The following PPP1R16B variants were observed in gnomAD, a reference collection of about 807,000 sequenced individuals.
The protein encoded by PPP1R16B is protein phosphatase 1 regulatory subunit 16B.
PPP1R16B carries 14 observed loss-of-function variants against 61.7 expected under a neutral mutation model. The ratio of observed to expected loss-of-function variants is 0.23; its 90% CI spans 0.15 to 0.35. The LOEUF is 0.35. Ranked by LOEUF, PPP1R16B falls within the 10% of genes least tolerant of loss-of-function variation. PPP1R16B has a pLI of 1.00. For synonymous variants in PPP1R16B, 266 were observed against 305.3 expected (o/e 0.87, Z 1.34); for missense variants, 547 against 752.5 (o/e 0.73, Z 3.19).
chr20:38,915,421 G>A (rs755471863), intron 10 of PPP1R16B, among the ~76,000 whole-genome samples: 9 of 152,156 alleles, frequency 5.9e-5, no homozygotes, highest in Non-Finnish European at 1.0e-4. Context: ...GTTTTCATAA[G>A]TCTTGCTTTT....
In PPP1R16B at chr20:38,907,135, T is replaced by C; in HGVS notation, c.898+81T>C. On this transcript the variant is annotated intron_variant, in intron 8 of 10. Transcript: ENST00000299824. The surrounding 1 kb of genome is among the most constrained non-coding windows in gnomAD (Gnocchi z 4.5). ...GGGTAGAGGGAGAAATAGATAAATA[T>C]ATGGTTGTATAGATTGATGGATTGG... 8.9e-7 allele frequency: 1 copy of C among 1,119,884 alleles called. No individual in the cohort carries two copies. Among genetic ancestry groups the C allele is most frequent in the Non-Finnish European group, 1.4e-6 (1 of 736,648 alleles). 69.4% of individuals were successfully genotyped at this position (1,119,884 alleles called of 1,614,324 possible). A position where few individuals can be genotyped will look rare whatever the true frequency, so the allele number is the denominator to read the frequency against.
At chr20:38,843,767 CA>C (rs200109402) in intron 2 of PPP1R16B, among the ~76,000 whole-genome samples, 321 of 144,768 alleles carry the variant, frequency 2.2e-3, no homozygotes, top group Admixed American at 4.5e-3. Context: ...TTTTTCAAAA[CA>C]AAAAAAAAAG....
intron 1 of PPP1R16B, among the ~76,000 whole-genome samples, chr20:38,818,129 T>C (rs2084750945): frequency 6.6e-6 from 1 of 152,272 alleles, no homozygotes; most frequent in African/African-American, 2.4e-5. Context: ...TTGTAGCAGA[T>C]ACATCTTGGT....
intron 3 of PPP1R16B, among the ~76,000 whole-genome samples, chr20:38,893,383 C>G (rs1464936713): frequency 6.6e-6 from 1 of 152,096 alleles, no homozygotes; most frequent in Non-Finnish European, 1.5e-5. Flanking sequence ...AGGGAGCCCT[C>G]AGAGGTTTGT....
rs2085561360 is a variant in PPP1R16B, at chr20:38,918,435, G to A, written c.1473G>A (p.Lys491=). ...TGAAGCGGCAGCGGGCTGCAGCCAAGCTGCTCAGCCACCCCTTCCTTAGCA... is the reference window on the plus strand; with the variant it reads ...TGAAGCGGCAGCGGGCTGCAGCCAAACTGCTCAGCCACCCCTTCCTTAGCA... The part of the protein sequence containing the change: ...LELKRQRAAA[K]LLSHPFLSTH... Residue 491 remains lysine, a synonymous_variant, in exon 11 of 11, where the codon AAG becomes AAA. Coordinates refer to ENST00000299824, the MANE Select transcript of PPP1R16B (RefSeq NM_015568.4). This position sits in a 1 kb window ranked among gnomAD's most constrained non-coding sequence, Gnocchi z 5.3. 1 of 1,614,186 alleles carries A rather than the reference G, an allele frequency of 6.2e-7. No homozygotes were observed. Among genetic ancestry groups the A allele is most frequent in the Non-Finnish European group, 8.5e-7 (1 of 1,180,046 alleles).
intron 10 of PPP1R16B, among the ~76,000 whole-genome samples, chr20:38,916,831 G>A (rs766401146): frequency 6.6e-6 from 1 of 151,952 alleles, no homozygotes; most frequent in South Asian, 2.1e-4. Context: ...CACTTTAAAC[G>A]TATTTGTCAG....
At chr20:38,865,055 G>T (rs1474946856) in intron 2 of PPP1R16B, among the ~76,000 whole-genome samples, 5 of 152,168 alleles carry the variant, frequency 3.3e-5, no homozygotes, top group Admixed American at 6.5e-5. Context: ...CCTTAGCCAG[G>T]CTGGAATTCA....
chr20:38,876,071 C>T (rs570331475), intron 2 of PPP1R16B, among the ~76,000 whole-genome samples: 2 of 147,356 alleles, frequency 1.4e-5, no homozygotes, highest in Admixed American at 7.0e-5. Flanking sequence ...CTCCCGGGTT[C>T]GGGCGATTCT....
chr20:38,842,392 A>G (rs1476592935), intron 2 of PPP1R16B, among the ~76,000 whole-genome samples: 1 of 152,186 alleles, frequency 6.6e-6, no homozygotes, highest in Non-Finnish European at 1.5e-5. Flanking sequence ...CCTTGAAACC[A>G]TTGAATGTAT....
chr20:38,861,838 G>A (rs1297350882), intron 2 of PPP1R16B, among the ~76,000 whole-genome samples: 1 of 152,082 alleles, frequency 6.6e-6, no homozygotes, highest in East Asian at 1.9e-4. Flanking sequence ...CACCGTGCCC[G>A]GCTAATTTTT....
At chr20:38,820,600 T>C (rs2084767077) in intron 1 of PPP1R16B, among the ~76,000 whole-genome samples, 1 of 152,012 alleles carries the variant, frequency 6.6e-6, no homozygotes, top group African/African-American at 2.4e-5. Flanking sequence ...TTCCTAGGAA[T>C]TCAATTGCAG....
chr20:38,852,565 C>T (rs532694123), intron 2 of PPP1R16B, among the ~76,000 whole-genome samples: 80 of 152,232 alleles, frequency 5.3e-4, no homozygotes, highest in African/African-American at 1.8e-3. Flanking sequence ...ACCACAATGA[C>T]ACTCAACCAG....
At chr20:38,840,046 G>C (rs999460000) in intron 2 of PPP1R16B, among the ~76,000 whole-genome samples, 1 of 152,248 alleles carries the variant, frequency 6.6e-6, no homozygotes, top group African/African-American at 2.4e-5. Context: ...CTCTGTGGCA[G>C]GCTCGTGGGT....
chr20:38,916,657 CATTATT>C (rs2085543798), intron 10 of PPP1R16B, among the ~76,000 whole-genome samples: 2 of 151,360 alleles, frequency 1.3e-5, no homozygotes, highest in Non-Finnish European at 2.9e-5. Context: ...AAATTTTTAT[CATTATT>C]ATTGTTTTTA....
intron 3 of PPP1R16B, among the ~76,000 whole-genome samples, chr20:38,890,983 C>G (rs1024063375): frequency 4.1e-4 from 62 of 152,194 alleles, no homozygotes; most frequent in Non-Finnish European, 1.3e-4. Context: ...CCTCAGTACC[C>G]CCACTCCATC....
rs1318187432 is a variant in PPP1R16B at position 38,918,021 on chromosome 20, A to T, written c.1195-136A>T. ...ATAGATTGGGGGTTCCCCAAAGGAA[A>T]ACCCTGGCCCCGATACCCAGGGAGA... On this transcript the variant is annotated intron_variant, in intron 10 of 10. Coordinates refer to ENST00000299824, the MANE Select transcript of PPP1R16B (RefSeq NM_015568.4). The surrounding 1 kb of genome is among the most constrained non-coding windows in gnomAD (Gnocchi z 5.3). 8.1e-7 allele frequency: 1 copy of T among 1,235,402 alleles called. No individual in the cohort carries two copies. The allele number at this position is 1,235,402 out of a possible 1,614,324, so 76.5% of individuals were successfully genotyped here.
chr20:38,855,931 T>G (rs867968745), intron 2 of PPP1R16B, among the ~76,000 whole-genome samples: 538 of 52,588 alleles, frequency 0.01, 3 homozygotes, highest in Non-Finnish European at 0.014. Context: ...TATATATATA[T>G]ATATATATAT....
At chr20:38,845,177 G>T (rs1343521890) in intron 2 of PPP1R16B, among the ~76,000 whole-genome samples, 5 of 152,132 alleles carry the variant, frequency 3.3e-5, no homozygotes, top group African/African-American at 9.7e-5. Context: ...GCTTCCTCAG[G>T]CACGGAGAGG....
At chr20:38,816,712 G>C (rs574178130) in intron 1 of PPP1R16B, among the ~76,000 whole-genome samples, 1 of 152,166 alleles carries the variant, frequency 6.6e-6, no homozygotes, top group Admixed American at 6.5e-5. Context: ...GCTGTGGAAT[G>C]AACCTAACCA....
Sources: allele counts gnomAD v4.1 joint callset (sites outside exome capture counted in the v4.1 genomes callset), GRCh38; gene constraint gnomAD v4.1.1; non-coding constraint Gnocchi (gnomAD v3.1); transcripts MANE v1.5; gene names NCBI Gene and HGNC (gene_info 2026-07-23, HGNC 2026-07-21).